DNAH5: variants seen among roughly 807,000 people sequenced by gnomAD.
DNAH5 encodes dynein axonemal heavy chain 5.
In DNAH5, 372 loss-of-function variants were observed where a neutral mutation model predicts 518.2. The observed-to-expected ratio is 0.72, with a 90% CI of 0.66 to 0.78. The LOEUF (loss-of-function observed/expected upper bound fraction) is 0.78. Ranked by LOEUF, DNAH5 falls within the 30% of genes least tolerant of loss-of-function variation. The pLI, the probability that DNAH5 is intolerant of heterozygous loss-of-function variation, is 0.00. For synonymous variants in DNAH5, 2,039 were observed against 2,025.9 expected (o/e 1.01, Z -0.17); for missense variants, 5,523 against 5,687.0 (o/e 0.97, Z 0.93).
At position 13,700,644 on chromosome 5, in the gene DNAH5, GT is replaced by G; in HGVS notation, c.13718del (p.Asn4573ThrfsTer23). On this transcript the variant is annotated frameshift_variant, in exon 78 of 79. Coordinates refer to ENST00000265104, the MANE Select transcript of DNAH5 (RefSeq NM_001369.3). LOFTEE classifies it high-confidence loss of function. ...TGAAGGTACAAGACAACTTACTATT[GT>G]TTTCTGCATAAATCCTTATGACAGG... ...LMPVIRIYAE[N>X]NTLRDPRFYS... is the part of the protein sequence containing the mutation. 1 of 1,613,946 alleles carries G rather than the reference GT, an allele frequency of 6.2e-7. No individual in the cohort carries two copies. The highest frequency in any genetic ancestry group is 8.5e-7 in the Non-Finnish European group (1 of 1,179,866).
chr5:13,871,602 G>A lies in DNAH5; in HGVS notation c.3560C>T (p.Pro1187Leu). 1.2e-6 allele frequency: 2 copies of A among 1,613,620 alleles called. No homozygotes were observed. The highest frequency in any genetic ancestry group is 1.7e-6 in the Non-Finnish European group (2 of 1,179,708). ...QNLEQEINAE[P>L]EYVCVGSIAL... ...AATGGAACCCACACAGACATATTCA[G>A]GCTCAGCATTAATTTCCTGCTCTAG... Residue 1187 changes from proline (P) to leucine (L), a missense_variant, in exon 23 of 79, where the codon CCT becomes CTT. Transcript: ENST00000265104.
In DNAH5 at chr5:13,718,917, T is replaced by C. The variant is rs1156525338; in HGVS notation, c.12464A>G (p.Gln4155Arg). 2 of 1,614,040 alleles carry C rather than the reference T, an allele frequency of 1.2e-6. No homozygotes were observed. Among genetic ancestry groups the C allele is most frequent in the Admixed American group, 1.7e-5 (1 of 60,008 alleles). ...MSIKFANDPP[Q>R]GLRAGLKRTY... Reference sequence around the variant, plus strand: ...TCTTTTCAGTCCTGCCCGGAGTCCTTGTGGAGGATCGTTGGCAAATTTAAT... The same window carrying C: ...TCTTTTCAGTCCTGCCCGGAGTCCTCGTGGAGGATCGTTGGCAAATTTAAT... The change falls in exon 72 of 79, where the codon CAA becomes CGA. Residue 4155 changes from glutamine to arginine, a missense_variant. Transcript: ENST00000265104.
At chr5:13,920,368 G>A (rs1777116615) in intron 6 of DNAH5, 112 bp downstream of exon 6, 14 of 1,432,282 alleles carry the variant, frequency 9.8e-6, no homozygotes, top group Middle Eastern at 3.5e-4. Flanking sequence ...CCTCCTCAAG[G>A]ATTTACAGTA....
chr5:13,927,095 T>G (rs972359924), intron 3 of DNAH5, among the ~76,000 whole-genome samples: 11 of 152,114 alleles, frequency 7.2e-5, no homozygotes, highest in Non-Finnish European at 1.2e-4. Flanking sequence ...ATATATTAAA[T>G]AATACATTTA....
chr5:13,753,369 T>G lies in DNAH5; in HGVS notation c.10736A>C (p.Gln3579Pro). The G allele has an allele frequency of 1.2e-6, 2 of 1,614,102 alleles. No individual in the cohort carries two copies. Among genetic ancestry groups the G allele is most frequent in the Non-Finnish European group, 8.5e-7 (1 of 1,179,966 alleles). Residue 3579 changes from glutamine to proline, a missense_variant, in exon 63 of 79, where the codon CAA becomes CCA. This residue lies in a region of DNAH5 where 5,121 missense variants were observed against 5,223.3 expected (regional missense o/e 0.98). Coordinates refer to ENST00000265104, the MANE Select transcript of DNAH5 (RefSeq NM_001369.3). Reference sequence around the variant, plus strand: ...GGACAAGTCATCATTTGGCAGACCTTGGAGGTTCCATTCACTAATAGTAGG... The same window carrying G: ...GGACAAGTCATCATTTGGCAGACCTGGGAGGTTCCATTCACTAATAGTAGG... Reference protein sequence around the residue: ...DAPTISEWNLQGLPNDDLSIQ... With the variant: ...DAPTISEWNLPGLPNDDLSIQ...
In DNAH5 at chr5:13,698,524, A is replaced by G. The variant is rs557562017; in HGVS notation, c.13723+2116T>C. On this transcript the variant is annotated intron_variant, in intron 78 of 78. Transcript: ENST00000265104. ...GCTTTATGTGTGTTTCTGTTTAAGGATATCTTTTTAATATATATGGTTGAT... is the reference window on the plus strand; with the variant it reads ...GCTTTATGTGTGTTTCTGTTTAAGGGTATCTTTTTAATATATATGGTTGAT... Among the ~76,000 whole-genome samples the G allele has an allele frequency of 2.6e-5, 4 of 152,308 alleles. No individual in the cohort carries two copies. In the East Asian group the frequency reaches 7.7e-4, roughly 29 times the overall value.
intron 1 of DNAH5, among the ~76,000 whole-genome samples, chr5:13,938,786 T>C (rs372835549): frequency 2.0e-5 from 3 of 152,140 alleles, no homozygotes; most frequent in Admixed American, 6.5e-5. Flanking sequence ...CCACAGATAA[T>C]TGATCACTTG....
intron 70 of DNAH5, among the ~76,000 whole-genome samples, chr5:13,722,581 G>T (rs1305280113): frequency 6.6e-6 from 1 of 152,206 alleles, no homozygotes; most frequent in Non-Finnish European, 1.5e-5. Flanking sequence ...TCCACCTGGT[G>T]TGTGGAGACT....
chr5:13,876,974 T>A (rs1770987064), intron 21 of DNAH5, among the ~76,000 whole-genome samples, 157 bp from the exon 22 acceptor site: 2 of 152,212 alleles, frequency 1.3e-5, no homozygotes, highest in Non-Finnish European at 2.9e-5. Flanking sequence ...CAATGTCAAC[T>A]TTTCAGGACT....
chr5:13,711,324 A>G (rs886849387), intron 75 of DNAH5, among the ~76,000 whole-genome samples: 18 of 152,338 alleles, frequency 1.2e-4, no homozygotes, highest in Non-Finnish European at 1.9e-4. Context: ...GCATCGCTCT[A>G]TGATTAAAAG....
chr5:13,924,452 A>G (rs1311355054), intron 3 of DNAH5, among the ~76,000 whole-genome samples: 1 of 152,066 alleles, frequency 6.6e-6, no homozygotes, highest in African/African-American at 2.4e-5. Context: ...GAGGCGGGTG[A>G]ATCACCTAAG....
At chr5:13,807,804 A>C (rs983809139) in intron 46 of DNAH5, 79 bp from the exon 47 acceptor site, 1 of 1,254,532 alleles carries the variant, frequency 8.0e-7, no homozygotes, top group African/African-American at 1.5e-5. Flanking sequence ...CAAAATTCAT[A>C]TGCTGAATCT....
At position 13,865,799 on chromosome 5, in the gene DNAH5, T is replaced by A. The variant is rs1399608615; in HGVS notation, c.4224A>T (p.Gln1408His). The part of the protein sequence containing the change: ...QYPQLLEIKK[Q>H]LNLLQKIYTL... ...TATATATTTTCTGTAGAAGATTTAG[T>A]TGCTTCTTTATTTCAAGAAGCTGAG... The change falls in exon 27 of 79, where the codon CAA (glutamine) becomes CAT (histidine). Residue 1408 changes from glutamine to histidine, a missense_variant. This residue lies in a region of DNAH5 where 5,121 missense variants were observed against 5,223.3 expected (regional missense o/e 0.98). Transcript: ENST00000265104. 2 of 1,613,552 alleles carry A rather than the reference T, an allele frequency of 1.2e-6. No homozygotes were observed. The highest frequency in any genetic ancestry group is 8.5e-7 in the Non-Finnish European group (1 of 1,179,504).
intron 1 of DNAH5, among the ~76,000 whole-genome samples, chr5:13,990,281 G>A (rs1324749913): frequency 1.3e-5 from 2 of 152,176 alleles, no homozygotes; most frequent in Non-Finnish European, 2.9e-5. Context: ...GGCCAGGCAC[G>A]GTGGCTCATG....
At chr5:13,897,814 G>C (rs1474598203) in intron 15 of DNAH5, 3 of 150,860 alleles carry the variant, frequency 2.0e-5, no homozygotes, top group African/African-American at 7.2e-5. Flanking sequence ...TCATGGGGGA[G>C]GGGGGAACCA....
rs915993183 is a variant in DNAH5, at chr5:13,883,068, G to A, written c.3010C>T (p.Gln1004Ter). 6.2e-7 allele frequency: 1 copy of A among 1,614,050 alleles called. No individual in the cohort carries two copies. The change falls in exon 20 of 79, where the codon CAG becomes TAG. Residue 1004 changes from glutamine (Q) to a stop codon, truncating the protein, a stop_gained. Transcript: ENST00000265104. LOFTEE classifies it high-confidence loss of function. ...RDSNSASNMK[Q>*]NSLPIFRASV... Reference sequence around the variant, plus strand: ...GCCCGGAAAATGGGCAAACTGTTCTGCTTCATGTTAGAGGCACTGTTACTG... The same window carrying A: ...GCCCGGAAAATGGGCAAACTGTTCTACTTCATGTTAGAGGCACTGTTACTG...
chr5:13,774,231 T>C (rs1753753741), intron 55 of DNAH5, among the ~76,000 whole-genome samples: 1 of 152,132 alleles, frequency 6.6e-6, no homozygotes, highest in Admixed American at 6.6e-5. Context: ...TGGCCTAGGA[T>C]GTCAGTGAAA....
At chr5:13,740,793 C>T (rs576668731) in intron 65 of DNAH5, among the ~76,000 whole-genome samples, 1 of 152,158 alleles carries the variant, frequency 6.6e-6, no homozygotes, top group Non-Finnish European at 1.5e-5. Context: ...CAGTAAGCCC[C>T]ACTGTGACCA....
chr5:13,733,406 G>C (rs1746887604), intron 68 of DNAH5, among the ~76,000 whole-genome samples: 1 of 152,144 alleles, frequency 6.6e-6, no homozygotes, highest in South Asian at 2.1e-4. Context: ...AGAACGACAG[G>C]AACAACAATC....
Sources: gnomAD v4.1 joint callset for allele counts (sites outside exome capture counted in the v4.1 genomes callset) on GRCh38, gnomAD v4.1.1 for gene constraint, gnomAD v4.1.1 regional missense constraint, MANE v1.5 for transcripts, NCBI Gene and HGNC (gene_info 2026-07-23, HGNC 2026-07-21) for gene names.